The following IL1RAPL2 variants were observed in gnomAD, a reference collection of about 807,000 sequenced individuals.
IL1RAPL2 encodes the protein interleukin 1 receptor accessory protein like 2.
Under a neutral mutation model 44.1 loss-of-function variants are expected in IL1RAPL2, and 3 were observed. The ratio of observed to expected loss-of-function variants is 0.07; its 90% confidence interval spans 0.03 to 0.18. The LOEUF is 0.18. Ranked by LOEUF, IL1RAPL2 falls within the 10% of genes least tolerant of loss-of-function variation. The pLI is 1.00. For synonymous variants in IL1RAPL2, 181 were observed against 178.8 expected (o/e 1.01, Z -0.10); for missense variants, 391 against 496.4 (o/e 0.79, Z 2.02).
intron 2 of IL1RAPL2, among the ~76,000 whole-genome samples, chrX:104,664,689 T>C (rs1930459991): frequency 8.9e-6 from 1 of 112,082 alleles, no homozygotes; most frequent in African/African-American, 3.2e-5. Context: ...ACCTTGATAC[T>C]GATTCTTTTT....
At chrX:105,715,855 A>G (rs909229812) in intron 6 of IL1RAPL2, among the ~76,000 whole-genome samples, 3 of 111,777 alleles carry the variant, frequency 2.7e-5, no homozygotes, top group Non-Finnish European at 5.6e-5. Flanking sequence ...GGAAACATTT[A>G]AGAGAAACTG....
intron 2 of IL1RAPL2, among the ~76,000 whole-genome samples, chrX:104,664,629 C>A (rs1250620385): frequency 8.9e-6 from 1 of 111,879 alleles, no homozygotes; most frequent in Non-Finnish European, 1.9e-5. Context: ...ACCTTCGATA[C>A]CCCATCATTC....
chrX:104,772,613 A>G (rs1195513711), intron 2 of IL1RAPL2, among the ~76,000 whole-genome samples: 1 of 112,030 alleles, frequency 8.9e-6, no homozygotes, highest in Non-Finnish European at 1.9e-5. Context: ...CTTTGCTACA[A>G]TTTCCACATG....
At chrX:105,065,499 G>A (rs1027435015) in intron 2 of IL1RAPL2, among the ~76,000 whole-genome samples, 1 of 111,869 alleles carries the variant, frequency 8.9e-6, no homozygotes, top group African/African-American at 3.3e-5. Flanking sequence ...CAAGTTGTAG[G>A]GGAACATGGA....
intron 6 of IL1RAPL2, among the ~76,000 whole-genome samples, chrX:105,487,743 A>G (rs1409798517): frequency 8.9e-6 from 1 of 112,166 alleles, no homozygotes; most frequent in Non-Finnish European, 1.9e-5. Context: ...GTCAGATGAC[A>G]TTATGAGCAC....
intron 3 of IL1RAPL2, among the ~76,000 whole-genome samples, chrX:105,211,873 G>A (rs1428799125): frequency 8.9e-6 from 1 of 111,897 alleles, no homozygotes; most frequent in Non-Finnish European, 1.9e-5. Flanking sequence ...GGAAGTGCAA[G>A]AGGCCAGGAT....
At chrX:105,043,996 CTATT>C (rs1204055749) in intron 2 of IL1RAPL2, among the ~76,000 whole-genome samples, 1 of 111,536 alleles carries the variant, frequency 9.0e-6, no homozygotes, top group Non-Finnish European at 1.9e-5. Context: ...AGGCTGATGA[CTATT>C]TAAAATTTGG....
At chrX:105,684,767 C>A (rs778081781) in intron 6 of IL1RAPL2, among the ~76,000 whole-genome samples, 2 of 107,383 alleles carry the variant, frequency 1.9e-5, no homozygotes, top group East Asian at 3.0e-4. Context: ...AACTGGGAGA[C>A]ACCTCCCAGT....
chrX:105,421,856 T>G (rs758535351), intron 5 of IL1RAPL2, among the ~76,000 whole-genome samples: 2 of 111,887 alleles, frequency 1.8e-5, no homozygotes, highest in South Asian at 3.7e-4. Context: ...TAGAAAAATG[T>G]GGGGAAAGAG....
At chrX:104,620,936 AATAAT>A (rs992875572) in intron 1 of IL1RAPL2, among the ~76,000 whole-genome samples, 13 of 102,373 alleles carry the variant, frequency 1.3e-4, no homozygotes, top group South Asian at 3.9e-4. Context: ...TAATTTATAT[AATAAT>A]ATAATATATA....
At chrX:105,200,915 C>CCACACACACACACA (rs61216729) in intron 3 of IL1RAPL2, among the ~76,000 whole-genome samples, 66 of 104,356 alleles carry the variant, frequency 6.3e-4, no homozygotes, top group African/African-American at 2.3e-3. Context: ...CGTTTCACAC[C>CCACACACACACACA]CACACACACA....
intron 6 of IL1RAPL2, among the ~76,000 whole-genome samples, chrX:105,634,952 T>C (rs1569460387): frequency 9.0e-6 from 1 of 111,624 alleles, no homozygotes. Flanking sequence ...TTTCCCATGG[T>C]CACACAGCTA....
chrX:105,464,787 A>G (rs772760844), intron 5 of IL1RAPL2, among the ~76,000 whole-genome samples: 1 of 111,355 alleles, frequency 9.0e-6, no homozygotes, highest in East Asian at 2.9e-4. Context: ...ACTGGAGCCT[A>G]TCCTGGCAGC....
chrX:105,743,487 A>G (rs2147578495), intron 8 of IL1RAPL2, among the ~76,000 whole-genome samples: 1 of 111,418 alleles, frequency 9.0e-6, no homozygotes, highest in African/African-American at 3.3e-5. Context: ...CCTTCCCTTC[A>G]TACAGATTTC....
At chrX:105,647,068 C>A (rs2037611341) in intron 6 of IL1RAPL2, among the ~76,000 whole-genome samples, 1 of 112,260 alleles carries the variant, frequency 8.9e-6, no homozygotes, top group South Asian at 3.7e-4. Flanking sequence ...CGGAAGAGAA[C>A]TGTGGAACCC....
rs375364495 is a variant in IL1RAPL2, at chrX:104,849,355, A to AATATATATATATATATATAT, written c.82+190372_82+190373insATATATATATATATATATAT. On this transcript the variant is annotated intron_variant, in intron 2 of 10. Transcript: ENST00000372582. Reference sequence around the variant, plus strand: ...GTGAGCCACCATGCTTGAACTATATAATATATATATATGGATTACTTACGG... The same window carrying AATATATATATATATATATAT: ...GTGAGCCACCATGCTTGAACTATATAATATATATATATATATATATATATATATATATGGATTACTTACGG... Among the ~76,000 whole-genome samples the AATATATATATATATATATAT allele has an allele frequency of 4.5e-4, 31 of 68,699 alleles. 5 individuals carry two copies. The highest frequency in any genetic ancestry group is 6.0e-4 in the Admixed American group (4 of 6,646). The allele number at this position is 68,699 out of a possible 115,157, so 59.7% of individuals were successfully genotyped here.
chrX:105,423,136 T>C (rs2035784586), intron 5 of IL1RAPL2, among the ~76,000 whole-genome samples: 1 of 111,574 alleles, frequency 9.0e-6, no homozygotes, highest in Non-Finnish European at 1.9e-5. Flanking sequence ...CAATAACATA[T>C]GTATACAAAC....
At chrX:105,510,017 A>T (rs1031652918) in intron 6 of IL1RAPL2, among the ~76,000 whole-genome samples, 7 of 109,900 alleles carry the variant, frequency 6.4e-5, no homozygotes, top group African/African-American at 2.3e-4. Context: ...ACAAAAAAAA[A>T]TAAATAAATA....
intron 2 of IL1RAPL2, among the ~76,000 whole-genome samples, chrX:105,158,796 A>G (rs193083417): frequency 8.9e-6 from 1 of 111,757 alleles, no homozygotes. Context: ...TTCTGGTCCC[A>G]TTTCTTCTAT....
Sources: allele counts gnomAD v4.1 joint callset (sites outside exome capture counted in the v4.1 genomes callset), GRCh38; gene constraint gnomAD v4.1.1; transcripts MANE v1.5; gene names NCBI Gene and HGNC (gene_info 2026-07-23, HGNC 2026-07-21).